CTIF: variants seen among roughly 807,000 people sequenced by gnomAD.
CTIF encodes CBP80/20-dependent translation initiation factor.
A neutral mutation model predicts 66.0 loss-of-function variants in CTIF; 21 were observed. The observed-to-expected ratio is 0.32, with a 90% CI of 0.23 to 0.46. The LOEUF (loss-of-function observed/expected upper bound fraction) is 0.46, where lower values mean the gene tolerates loss of function less well. Among genes scored for constraint, CTIF ranks in the 20% least tolerant of loss-of-function variants. The pLI, the probability that CTIF is intolerant of heterozygous loss-of-function variation, is 1.00. For missense variants in CTIF, 739 were observed against 812.7 expected, an observed-to-expected ratio of 0.91 and a Z score of 1.10; for synonymous variants, 345 against 326.4, an observed-to-expected ratio of 1.06 and a Z score of -0.62.
chr18:48,682,093 T>C (rs1158315514), intron 6 of CTIF, among the ~76,000 whole-genome samples: 1 of 152,168 alleles, frequency 6.6e-6, no homozygotes, highest in Non-Finnish European at 1.5e-5. Context: ...GCCCCACACC[T>C]GTTCTTCAAA....
chr18:48,615,825 G>A lies in CTIF; in HGVS notation c.-28-3713G>A, dbSNP rs1203062506. On this transcript the variant is annotated intron_variant, in intron 1 of 11. Transcript: ENST00000256413. ...CGCTGGGCTACCCCATGTGAATCTG[G>A]CTGGGCAGCAAACACTAGAGTAGAA... is the stretch of plus-strand genomic sequence containing the variant. Among the ~76,000 whole-genome samples the A allele has an allele frequency of 2.0e-5, 3 of 152,164 alleles. No individual in the cohort carries two copies. The East Asian group carries it at 5.8e-4, about 29-fold the overall frequency.
At chr18:48,796,218 G>T (rs2067914210) in intron 9 of CTIF, among the ~76,000 whole-genome samples, 1 of 146,102 alleles carries the variant, frequency 6.8e-6, no homozygotes, top group African/African-American at 2.5e-5. Context: ...CTGTCGCCCA[G>T]GCTGGAGTGC....
chr18:48,592,758 G>T (rs1331353414), intron 1 of CTIF, among the ~76,000 whole-genome samples: 1 of 152,246 alleles, frequency 6.6e-6, no homozygotes, highest in Non-Finnish European at 1.5e-5. Context: ...ATAGCGATTA[G>T]CAGGGAGTGG....
At chr18:48,678,806 C>T (rs935990251) in intron 6 of CTIF, among the ~76,000 whole-genome samples, 2 of 152,092 alleles carry the variant, frequency 1.3e-5, no homozygotes, top group East Asian at 1.9e-4. Context: ...CTTCAAGGGG[C>T]CTGGGCAAGT....
At chr18:48,569,660 T>G (rs2089365841) in intron 1 of CTIF, among the ~76,000 whole-genome samples, 1 of 152,214 alleles carries the variant, frequency 6.6e-6, no homozygotes, top group Non-Finnish European at 1.5e-5. Context: ...AGACAACCTG[T>G]AATTAAAATT....
At chr18:48,850,172 C>T (rs953703515) in intron 10 of CTIF, among the ~76,000 whole-genome samples, 2 of 152,138 alleles carry the variant, frequency 1.3e-5, no homozygotes, top group African/African-American at 2.4e-5. Context: ...GGGGCTCGTC[C>T]GTGTTGTGGC....
At chr18:48,679,882 C>T (rs1277417839) in intron 6 of CTIF, among the ~76,000 whole-genome samples, 2 of 151,940 alleles carry the variant, frequency 1.3e-5, no homozygotes, top group Non-Finnish European at 2.9e-5. Context: ...GGGAGAGGGA[C>T]CTATGGGGAG....
chr18:48,776,052 G>A (rs889594207), intron 9 of CTIF, among the ~76,000 whole-genome samples: 1 of 152,256 alleles, frequency 6.6e-6, no homozygotes, highest in Admixed American at 6.5e-5. Context: ...GCCTTGGGCC[G>A]TCTTTTGCAG....
At chr18:48,724,005 C>T (rs906685659) in intron 7 of CTIF, among the ~76,000 whole-genome samples, 1 of 152,188 alleles carries the variant, frequency 6.6e-6, no homozygotes, top group Admixed American at 6.5e-5. Flanking sequence ...CTGTACTTAG[C>T]ACCCACGGGG....
chr18:48,848,861 C>A (rs1215552380), intron 10 of CTIF, among the ~76,000 whole-genome samples: 2 of 152,242 alleles, frequency 1.3e-5, no homozygotes, highest in East Asian at 1.9e-4. Flanking sequence ...TGGGCGTGCC[C>A]ACAACAAGTC....
chr18:48,595,721 T>G (rs749899280), intron 1 of CTIF, among the ~76,000 whole-genome samples: 10 of 152,318 alleles, frequency 6.6e-5, no homozygotes, highest in Non-Finnish European at 1.3e-4. Context: ...TACATACATT[T>G]GTTATTTCAT....
chr18:48,624,335 G>C (rs1432275196), intron 2 of CTIF, among the ~76,000 whole-genome samples: 2 of 152,138 alleles, frequency 1.3e-5, no homozygotes, highest in Non-Finnish European at 2.9e-5. Flanking sequence ...CCCCACTGCT[G>C]GGTGGTGGCT....
rs546047202 is a variant in CTIF, at chr18:48,574,032, G to A, written c.-29+34720G>A. On this transcript the variant is annotated intron_variant, in intron 1 of 11. Coordinates refer to ENST00000256413, the MANE Select transcript of CTIF (RefSeq NM_014772.3). ...AGTCTGGTGTCACCGGGCACCCTCA[G>A]GTCTGATTTGCAGTCATCTCACCAG... 6.1e-4 allele frequency among the ~76,000 whole-genome samples: 93 copies of A among 152,328 alleles called. 3 individuals carry two copies. The South Asian group carries it at 0.016, about 26-fold the overall frequency.
chr18:48,724,932 CA>C (rs1363415306), intron 7 of CTIF, among the ~76,000 whole-genome samples: 2 of 152,228 alleles, frequency 1.3e-5, no homozygotes, highest in Non-Finnish European at 2.9e-5. Flanking sequence ...CTTTCAGCTT[CA>C]AGGGGAGGAT....
chr18:48,844,235 G>A (rs112863397), intron 10 of CTIF, among the ~76,000 whole-genome samples: 1,800 of 152,290 alleles, frequency 0.012, 38 homozygotes, highest in African/African-American at 0.042. Flanking sequence ...CTGGCTGCAG[G>A]CACAGCTGCT....
At chr18:48,657,695 G>A (rs767446021) in intron 3 of CTIF, among the ~76,000 whole-genome samples, 17 of 152,156 alleles carry the variant, frequency 1.1e-4, no homozygotes, top group Non-Finnish European at 2.4e-4. Flanking sequence ...CTGCAGAGAG[G>A]AAGAGTCCTC....
chr18:48,784,198 C>T (rs546867902), intron 9 of CTIF, among the ~76,000 whole-genome samples: 15 of 152,354 alleles, frequency 9.8e-5, no homozygotes, highest in East Asian at 5.8e-4. Flanking sequence ...CACACCCAGA[C>T]GGCCCCGAGC....
intron 6 of CTIF, among the ~76,000 whole-genome samples, chr18:48,685,719 C>T (rs562409847): frequency 1.3e-5 from 2 of 152,038 alleles, no homozygotes; most frequent in African/African-American, 4.8e-5. Flanking sequence ...CTCTGTTGCC[C>T]AGGCTGAAGT....
At chr18:48,776,902 C>T (rs544163663) in intron 9 of CTIF, among the ~76,000 whole-genome samples, 10 of 152,332 alleles carry the variant, frequency 6.6e-5, no homozygotes, top group Middle Eastern at 3.4e-3. Flanking sequence ...TGGGGAGCCC[C>T]AGCCCTGCCT....
Sources: gnomAD v4.1 joint callset for allele counts (sites outside exome capture counted in the v4.1 genomes callset) on GRCh38, gnomAD v4.1.1 for gene constraint, MANE v1.5 for transcripts, NCBI Gene and HGNC (gene_info 2026-07-23, HGNC 2026-07-21) for gene names.